The following NBEA variants were observed in gnomAD, a reference collection of about 807,000 sequenced individuals.
NBEA encodes the protein neurobeachin.
NBEA carries 44 observed loss-of-function variants against 343.4 expected under a neutral mutation model. The ratio of observed to expected loss-of-function variants is 0.13; its 90% confidence interval spans 0.10 to 0.16. The LOEUF (loss-of-function observed/expected upper bound fraction) is 0.16. NBEA is among the 10% of genes least tolerant of loss of function. The pLI is 1.00. For synonymous variants in NBEA, 1,175 were observed against 1,238.7 expected, an observed-to-expected ratio of 0.95 and a Z score of 1.08; for missense variants, 2,555 against 3,631.3, an observed-to-expected ratio of 0.70 and a Z score of 7.62.
At chr13:34,961,245 G>A (rs936881174) in intron 1 of NBEA, among the ~76,000 whole-genome samples, 1 of 152,084 alleles carries the variant, frequency 6.6e-6, no homozygotes, top group African/African-American at 2.4e-5. Flanking sequence ...AGTTGTTAAA[G>A]AGGGACTCTA....
At chr13:35,385,242 G>A (rs2042190252) in intron 38 of NBEA, among the ~76,000 whole-genome samples, 1 of 152,168 alleles carries the variant, frequency 6.6e-6, no homozygotes, top group Non-Finnish European at 1.5e-5. Context: ...ATTATTCTAT[G>A]AGGTAAAGGT....
rs981656931 is a variant in NBEA, at chr13:35,141,718, G to T, written c.2337-551G>T. On this transcript the variant is annotated intron_variant, in intron 17 of 58. Coordinates refer to ENST00000379939, the MANE Select transcript of NBEA (RefSeq NM_001385012.1). ...TAAATCAGGCAACATTAAGTAGAAA[G>T]ATATTTTTTAAATCCATTGGTAGAC... Among the ~76,000 whole-genome samples, 30 of 152,274 alleles carry T rather than the reference G, an allele frequency of 2.0e-4. 1 individual carries two copies. Among genetic ancestry groups the T allele is most frequent in the African/African-American group, 6.7e-4 (28 of 41,566 alleles).
chr13:35,319,005 A>T (rs891381748), intron 36 of NBEA, among the ~76,000 whole-genome samples: 3 of 151,786 alleles, frequency 2.0e-5, no homozygotes, highest in African/African-American at 7.3e-5. Flanking sequence ...CTTTTTTATT[A>T]TTCTGGCTAG....
intron 17 of NBEA, among the ~76,000 whole-genome samples, chr13:35,124,669 G>GAT (rs1048061494): frequency 2.0e-5 from 3 of 147,478 alleles, no homozygotes; most frequent in Admixed American, 1.4e-4. Context: ...CATATATGTG[G>GAT]ATATATATAC....
chr13:35,399,512 A>G (rs2042898293), intron 38 of NBEA, among the ~76,000 whole-genome samples: 1 of 152,064 alleles, frequency 6.6e-6, no homozygotes, highest in African/African-American at 2.4e-5. Flanking sequence ...GGATAACAAC[A>G]TGGGGTAAAC....
At chr13:35,376,281 T>C (rs2041735561) in intron 38 of NBEA, among the ~76,000 whole-genome samples, 1 of 152,170 alleles carries the variant, frequency 6.6e-6, no homozygotes, top group Admixed American at 6.5e-5. Context: ...TTTGAATGTT[T>C]CAAGTAATTC....
intron 39 of NBEA, among the ~76,000 whole-genome samples, chr13:35,440,303 A>G (rs1407236443): frequency 6.6e-6 from 1 of 152,198 alleles, no homozygotes; most frequent in Non-Finnish European, 1.5e-5. Context: ...TTTCCAAATC[A>G]TTTCTGACTG....
At chr13:35,519,583 T>A (rs1262682191) in intron 41 of NBEA, among the ~76,000 whole-genome samples, 1 of 152,246 alleles carries the variant, frequency 6.6e-6, no homozygotes, top group African/African-American at 2.4e-5. Context: ...TTCAGTGTAA[T>A]GTAGACATGA....
At chr13:35,590,521 C>T (rs976897821) in intron 46 of NBEA, among the ~76,000 whole-genome samples, 2 of 152,088 alleles carry the variant, frequency 1.3e-5, no homozygotes, top group African/African-American at 2.4e-5. Context: ...TTTCTTTTCA[C>T]TAAGCCCATC....
intron 38 of NBEA, among the ~76,000 whole-genome samples, chr13:35,409,066 T>G (rs995845561): frequency 2.0e-5 from 3 of 152,286 alleles, no homozygotes; most frequent in East Asian, 1.9e-4. Context: ...GCAGCACTAT[T>G]CACAATAGGA....
chr13:34,959,897 T>C (rs2059606596), intron 1 of NBEA, among the ~76,000 whole-genome samples: 1 of 152,188 alleles, frequency 6.6e-6, no homozygotes, highest in Non-Finnish European at 1.5e-5. Context: ...CATACAGTTA[T>C]GTACAGTACA....
rs191922205 is a variant in NBEA, at chr13:35,268,066, A to G, written c.5777-22323A>G. ...GAGACATTTGTATACACACGTGTTC[A>G]TTGCAGCATTATTCAAAACAGCTAA... On this transcript the variant is annotated intron_variant, in intron 34 of 58. Transcript: ENST00000379939. 8.5e-5 allele frequency among the ~76,000 whole-genome samples: 13 copies of G among 152,206 alleles called. No individual in the cohort carries two copies. In the East Asian group the frequency reaches 2.3e-3, roughly 27 times the overall value.
At chr13:35,515,412 A>G (rs1365808617) in intron 41 of NBEA, among the ~76,000 whole-genome samples, 4 of 152,226 alleles carry the variant, frequency 2.6e-5, no homozygotes, top group Non-Finnish European at 5.9e-5. Context: ...CAAAATACAC[A>G]TAATGACTGT....
intron 51 of NBEA, 53 bp from the exon 52 acceptor site, chr13:35,649,602 A>G: frequency 2.1e-6 from 3 of 1,454,782 alleles, no homozygotes; most frequent in South Asian, 1.2e-5. Context: ...ACCTTTCACT[A>G]ACTATGTTAT....
chr13:35,158,891 C>G (rs991978910), intron 21 of NBEA, 125 bp from the exon 22 acceptor site: 2 of 837,638 alleles, frequency 2.4e-6, no homozygotes, highest in Non-Finnish European at 3.5e-6. Flanking sequence ...CTAACAAATG[C>G]CAGCTTTGAA....
chr13:35,344,775 G>C (rs1195005390), intron 36 of NBEA, among the ~76,000 whole-genome samples: 1 of 152,004 alleles, frequency 6.6e-6, no homozygotes, highest in African/African-American at 2.4e-5. Context: ...TCTTCCTGTA[G>C]AGAAAACTCT....
chr13:35,153,302 G>A (rs1593528900), intron 18 of NBEA, among the ~76,000 whole-genome samples: 2 of 151,964 alleles, frequency 1.3e-5, no homozygotes, highest in South Asian at 4.2e-4. Context: ...CAAAGTGCTG[G>A]GATTACAGGT....
intron 35 of NBEA, among the ~76,000 whole-genome samples, chr13:35,298,207 GTGTGTATA>G (rs1308234096): frequency 8.3e-3 from 134 of 16,120 alleles, no homozygotes; most frequent in East Asian, 0.051. Context: ...GTGTGTGTGT[GTGTGTATA>G]TATATATATA....
chr13:35,179,325 C>T (rs900285867), intron 28 of NBEA, among the ~76,000 whole-genome samples: 14 of 151,396 alleles, frequency 9.2e-5, no homozygotes, highest in Non-Finnish European at 1.8e-4. Flanking sequence ...TGATGTTGTT[C>T]GGAAGGTACA....
Sources: gnomAD v4.1 joint callset for allele counts (sites outside exome capture counted in the v4.1 genomes callset) on GRCh38, gnomAD v4.1.1 for gene constraint, MANE v1.5 for transcripts, NCBI Gene and HGNC (gene_info 2026-07-23, HGNC 2026-07-21) for gene names.